CAMK1D: variants seen among roughly 807,000 people sequenced by gnomAD.
CAMK1D encodes the protein calcium/calmodulin-dependent protein kinase type 1D.
A neutral mutation model predicts 47.7 loss-of-function variants in CAMK1D; 9 were observed. The observed-to-expected ratio is 0.19, with a 90% confidence interval of 0.11 to 0.33. CAMK1D has a LOEUF of 0.33. CAMK1D is among the 10% of genes least tolerant of loss of function. The pLI is 1.00. For synonymous variants in CAMK1D, 184 were observed against 184.9 expected, an observed-to-expected ratio of 0.99 and a Z score of 0.04; for missense variants, 291 against 488.7, an observed-to-expected ratio of 0.60 and a Z score of 3.81.
intron 1 of CAMK1D, among the ~76,000 whole-genome samples, chr10:12,362,427 T>C (rs1837693146): frequency 6.8e-6 from 1 of 147,546 alleles, no homozygotes; most frequent in South Asian, 2.1e-4. Context: ...TGCTCTAGTG[T>C]CTGATATAAA....
intron 2 of CAMK1D, among the ~76,000 whole-genome samples, chr10:12,616,656 T>A (rs1055274495): frequency 6.6e-6 from 1 of 152,024 alleles, no homozygotes; most frequent in East Asian, 1.9e-4. Context: ...TAGCTGGGAC[T>A]ACAGGCGCCC....
intron 3 of CAMK1D, among the ~76,000 whole-genome samples, chr10:12,689,793 T>C (rs748637158): frequency 3.3e-5 from 5 of 150,516 alleles, no homozygotes; most frequent in Non-Finnish European, 4.4e-5. Context: ...AAAAAAGAAA[T>C]GGTTTGAACT....
At chr10:12,658,256 G>A (rs762493590) in intron 2 of CAMK1D, among the ~76,000 whole-genome samples, 12 of 152,208 alleles carry the variant, frequency 7.9e-5, no homozygotes, top group Admixed American at 5.2e-4. Context: ...GAGTCTTAAA[G>A]GATGAGTATT....
At chr10:12,682,732 A>T (rs1310720860) in intron 3 of CAMK1D, among the ~76,000 whole-genome samples, 3 of 152,220 alleles carry the variant, frequency 2.0e-5, no homozygotes. Flanking sequence ...TACATGTTAA[A>T]AAATGAATTT....
At chr10:12,650,957 C>T (rs150672018) in intron 2 of CAMK1D, among the ~76,000 whole-genome samples, 77 of 152,302 alleles carry the variant, frequency 5.1e-4, no homozygotes, top group Admixed American at 1.5e-3. Flanking sequence ...CCCCCAGATT[C>T]GAGTTCGCTT....
intron 1 of CAMK1D, among the ~76,000 whole-genome samples, chr10:12,533,333 G>T (rs1289460779): frequency 6.6e-6 from 1 of 152,140 alleles, no homozygotes; most frequent in Non-Finnish European, 1.5e-5. Context: ...TTATCTGGCT[G>T]TGAGATTATT....
chr10:12,480,552 C>T (rs550118127), intron 1 of CAMK1D, among the ~76,000 whole-genome samples: 5 of 152,310 alleles, frequency 3.3e-5, no homozygotes, highest in Admixed American at 2.0e-4. Context: ...GCTGTGTGTC[C>T]GTTAGGGTCT....
At chr10:12,607,471 A>C (rs1008761604) in intron 2 of CAMK1D, among the ~76,000 whole-genome samples, 63 of 152,212 alleles carry the variant, frequency 4.1e-4, no homozygotes, top group African/African-American at 1.4e-3. Context: ...TTCATTTTCC[A>C]ATAACATCTT....
At chr10:12,802,522 ATTTC>A (rs1457196478) in intron 6 of CAMK1D, among the ~76,000 whole-genome samples, 1 of 151,938 alleles carries the variant, frequency 6.6e-6, no homozygotes, top group Non-Finnish European at 1.5e-5. Flanking sequence ...GCTGTTCTTC[ATTTC>A]TTTCTTTTTT....
intron 8 of CAMK1D, among the ~76,000 whole-genome samples, chr10:12,818,659 A>G (rs1832901328): frequency 6.7e-6 from 1 of 149,130 alleles, no homozygotes; most frequent in Non-Finnish European, 1.5e-5. Flanking sequence ...CCACAGAGCG[A>G]GACTCTGTCC....
At chr10:12,648,873 T>C (rs1190695031) in intron 2 of CAMK1D, among the ~76,000 whole-genome samples, 1 of 152,130 alleles carries the variant, frequency 6.6e-6, no homozygotes, top group Admixed American at 6.5e-5. Flanking sequence ...GGCATCTGTT[T>C]GAATTTATTT....
intron 6 of CAMK1D, among the ~76,000 whole-genome samples, chr10:12,811,817 T>C (rs999451983): frequency 6.6e-6 from 1 of 152,272 alleles, no homozygotes; most frequent in Non-Finnish European, 1.5e-5. Context: ...TTTCCTAATA[T>C]GCACATTTCA....
intron 1 of CAMK1D, among the ~76,000 whole-genome samples, chr10:12,519,933 T>G (rs1167883860): frequency 1.3e-4 from 3 of 22,748 alleles, no homozygotes; most frequent in South Asian, 3.7e-3. Context: ...GCTGGCCGGG[T>G]GGGGGGCTGA....
intron 3 of CAMK1D, among the ~76,000 whole-genome samples, chr10:12,724,299 G>A (rs1023168064): frequency 2.0e-5 from 3 of 152,158 alleles, no homozygotes; most frequent in African/African-American, 7.2e-5. Flanking sequence ...CTATCTTTTT[G>A]TCTTGGGCTG....
intron 2 of CAMK1D, among the ~76,000 whole-genome samples, chr10:12,594,789 G>A (rs1195927930): frequency 1.3e-5 from 2 of 152,162 alleles, no homozygotes; most frequent in Non-Finnish European, 1.5e-5. Flanking sequence ...GAGGTTGAAC[G>A]TGTGGTTCTC....
chr10:12,380,629 G>A (rs1020421244), intron 1 of CAMK1D, among the ~76,000 whole-genome samples: 4 of 152,048 alleles, frequency 2.6e-5, no homozygotes, highest in East Asian at 3.9e-4. Context: ...AGGCCAAGGC[G>A]GGCGGATCAC....
rs530569501 is a variant in CAMK1D, at chr10:12,402,233, C to T, written c.92+52323C>T. Among the ~76,000 whole-genome samples, 25 of 151,922 alleles carry T rather than the reference C, an allele frequency of 1.6e-4. No homozygotes were observed. The East Asian group carries it at 2.9e-3, about 18-fold the overall frequency. On this transcript the variant is annotated intron_variant, in intron 1 of 10. Transcript: ENST00000619168. Reference sequence around the variant, plus strand: ...CTGGGATTACAGGCACGAGCCACCGCGCCTGACTGCCATTTTTTGAGACAG... The same window carrying T: ...CTGGGATTACAGGCACGAGCCACCGTGCCTGACTGCCATTTTTTGAGACAG...
chr10:12,353,145 C>T (rs1309408573), intron 1 of CAMK1D, among the ~76,000 whole-genome samples: 1 of 152,102 alleles, frequency 6.6e-6, no homozygotes, highest in African/African-American at 2.4e-5. Flanking sequence ...ACTTCTGGTC[C>T]CTTCAGTGGG....
intron 1 of CAMK1D, among the ~76,000 whole-genome samples, chr10:12,354,710 G>A (rs1271552318): frequency 4.0e-5 from 6 of 151,792 alleles, no homozygotes; most frequent in Admixed American, 3.9e-4. Flanking sequence ...GCGCCCAGCC[G>A]ATGAGAAAAT....
Sources: allele counts gnomAD v4.1 joint callset (sites outside exome capture counted in the v4.1 genomes callset), GRCh38; gene constraint gnomAD v4.1.1; transcripts MANE v1.5; gene names NCBI Gene and HGNC (gene_info 2026-07-23, HGNC 2026-07-21).